Variants in NEO1 observed in about 807,000 individuals in gnomAD.
The protein encoded by NEO1 is neogenin 1, also known as neogenin.
In NEO1, 63 loss-of-function variants were observed where a neutral mutation model predicts 159.7. That is an observed-to-expected ratio of 0.39 (90% CI 0.32 to 0.49). NEO1 has a LOEUF of 0.49. Among genes scored for constraint, NEO1 ranks in the 20% least tolerant of loss-of-function variants. The probability of loss-of-function intolerance (pLI) is 0.85; values close to 1 mark genes in which losing one functional copy is unlikely to be tolerated. For missense variants in NEO1, 1,615 were observed against 1,831.0 expected (o/e 0.88, Z 2.15); for synonymous variants, 633 against 662.0 (o/e 0.96, Z 0.67).
Position 73,178,435 on chromosome 15 carries a change from G to A in NEO1, c.1291+8G>A, listed in dbSNP as rs763667468. 1 of 1,613,176 alleles carries A rather than the reference G, an allele frequency of 6.2e-7. No individual in the cohort carries two copies. Among genetic ancestry groups the A allele is most frequent in the Non-Finnish European group, 8.5e-7 (1 of 1,179,530 alleles). ...TGATAATCCTTGAACATGGTAAGAA[G>A]GGCTGAAATAGTCAGATGATAGAGG... On this transcript the variant is annotated splice_region_variant and intron_variant, in intron 7 of 28. Transcript: ENST00000261908.
intron 7 of NEO1, among the ~76,000 whole-genome samples, chr15:73,216,630 T>G (rs1032230870): frequency 6.6e-6 from 1 of 152,180 alleles, no homozygotes; most frequent in Admixed American, 6.5e-5. Context: ...CCATTCTAAC[T>G]GGTGTGAGAT....
intron 1 of NEO1, among the ~76,000 whole-genome samples, chr15:73,087,041 A>G (rs943679604): frequency 6.6e-6 from 1 of 152,204 alleles, no homozygotes; most frequent in Non-Finnish European, 1.5e-5. Flanking sequence ...TTTTCAGTAC[A>G]GCAAAAAATG....
At position 73,303,939 on chromosome 15, in the gene NEO1, C is replaced by G. The variant is rs545658197; in HGVS notation, c.*1243C>G. ...TTCCGTATACGACTCCTTCTTCTCTCTAGTTCAGTCTTCAGCCAGTCCAGC... is the reference window on the plus strand; with the variant it reads ...TTCCGTATACGACTCCTTCTTCTCTGTAGTTCAGTCTTCAGCCAGTCCAGC... On this transcript the variant is annotated 3_prime_UTR_variant, in exon 29 of 29. Transcript: ENST00000261908. 6.6e-6 allele frequency: 1 copy of G among 152,358 alleles called. No individual in the cohort carries two copies. Among genetic ancestry groups the G allele is most frequent in the South Asian group, 2.1e-4 (1 of 4,828 alleles). 9.4% of individuals were successfully genotyped at this position (152,358 alleles called of 1,614,324 possible).
intron 26 of NEO1, among the ~76,000 whole-genome samples, chr15:73,297,778 G>C (rs1465487481): frequency 6.6e-6 from 1 of 152,226 alleles, no homozygotes; most frequent in Non-Finnish European, 1.5e-5. Context: ...GCTGTGTGCA[G>C]ACCTCTGGGC....
intron 7 of NEO1, among the ~76,000 whole-genome samples, chr15:73,211,836 C>T (rs1335958834): frequency 6.6e-6 from 1 of 152,230 alleles, no homozygotes; most frequent in African/African-American, 2.4e-5. Flanking sequence ...TTGGGTCTCA[C>T]ATTACATTTA....
chr15:73,058,659 A>G (rs1296844898), intron 1 of NEO1, among the ~76,000 whole-genome samples: 1 of 152,166 alleles, frequency 6.6e-6, no homozygotes, highest in East Asian at 1.9e-4. Flanking sequence ...CCATTGACTA[A>G]TACTTTCATA....
At chr15:73,290,294 G>A (rs1455451875) in intron 25 of NEO1, among the ~76,000 whole-genome samples, 1 of 127,368 alleles carries the variant, frequency 7.9e-6, no homozygotes, top group African/African-American at 3.0e-5. Context: ...AGGCTGGAGT[G>A]CAGTGTCACG....
At chr15:73,290,076 A>G (rs1025114103) in intron 25 of NEO1, among the ~76,000 whole-genome samples, 4 of 152,144 alleles carry the variant, frequency 2.6e-5, no homozygotes, top group Non-Finnish European at 5.9e-5. Flanking sequence ...TTAAGGTTGC[A>G]TTGAGCTATG....
At chr15:73,110,719 T>A (rs907523795) in intron 1 of NEO1, among the ~76,000 whole-genome samples, 1 of 152,166 alleles carries the variant, frequency 6.6e-6, no homozygotes, top group Non-Finnish European at 1.5e-5. Flanking sequence ...AGATATTAGA[T>A]AGGATCATTA....
intron 1 of NEO1, among the ~76,000 whole-genome samples, chr15:73,071,225 C>T (rs1428703542): frequency 2.0e-5 from 3 of 152,064 alleles, no homozygotes; most frequent in Non-Finnish European, 2.9e-5. Context: ...AGGCATGAAC[C>T]ATCGTGCCTG....
chr15:73,088,096 A>C (rs1326625121), intron 1 of NEO1, among the ~76,000 whole-genome samples: 2 of 152,050 alleles, frequency 1.3e-5, no homozygotes, highest in Non-Finnish European at 2.9e-5. Flanking sequence ...TACCTTAAAA[A>C]GTATGTTTAT....
At chr15:73,281,871 G>A (rs1377143346) in intron 22 of NEO1, among the ~76,000 whole-genome samples, 1 of 152,172 alleles carries the variant, frequency 6.6e-6, no homozygotes, top group East Asian at 1.9e-4. Flanking sequence ...ATGGAAGACA[G>A]TAAGACTTAG....
chr15:73,118,747 C>T (rs763997980), intron 2 of NEO1, among the ~76,000 whole-genome samples: 12 of 152,046 alleles, frequency 7.9e-5, no homozygotes, highest in African/African-American at 1.4e-4. Flanking sequence ...CCACTCTTGG[C>T]CCTAGGTATC....
chr15:73,197,445 CTATGTTGT>C (rs1298962513), intron 7 of NEO1, among the ~76,000 whole-genome samples: 1 of 152,062 alleles, frequency 6.6e-6, no homozygotes, highest in East Asian at 1.9e-4. Context: ...TATTCAGAAG[CTATGTTGT>C]TAATGCATTA....
intron 28 of NEO1, 48 bp downstream of exon 28, chr15:73,301,505 C>G (rs2042612737): frequency 6.2e-7 from 1 of 1,612,410 alleles, no homozygotes; most frequent in Admixed American, 1.7e-5. Flanking sequence ...GGGAACATGC[C>G]CCAGGGCCTG....
At chr15:73,133,616 C>T (rs1208700453) in intron 4 of NEO1, among the ~76,000 whole-genome samples, 1 of 152,150 alleles carries the variant, frequency 6.6e-6, no homozygotes, top group African/African-American at 2.4e-5. Flanking sequence ...CCAAGCTTTT[C>T]CAGACTGACC....
intron 1 of NEO1, among the ~76,000 whole-genome samples, chr15:73,077,924 T>C (rs562357840): frequency 1.3e-5 from 2 of 152,274 alleles, no homozygotes; most frequent in African/African-American, 4.8e-5. Context: ...CTCTGTCCAT[T>C]GCGCAGGATG....
intron 13 of NEO1, among the ~76,000 whole-genome samples, chr15:73,257,119 G>C (rs1345278883): frequency 1.2e-5 from 1 of 83,196 alleles, no homozygotes; most frequent in Non-Finnish European, 2.0e-5. Flanking sequence ...GCAACAGAGA[G>C]AGACTCTGTC....
At chr15:73,056,364 G>T (rs1242707498) in intron 1 of NEO1, among the ~76,000 whole-genome samples, 5 of 152,136 alleles carry the variant, frequency 3.3e-5, no homozygotes, top group African/African-American at 1.2e-4. Flanking sequence ...AGAGAGTTAT[G>T]GTCACTATTC....
Sources: allele counts gnomAD v4.1 joint callset (sites outside exome capture counted in the v4.1 genomes callset), GRCh38; gene constraint gnomAD v4.1.1; transcripts MANE v1.5; gene names NCBI Gene and HGNC (gene_info 2026-07-23, HGNC 2026-07-21).